Variants in CGGBP1 observed in about 807,000 individuals in gnomAD.
The protein encoded by CGGBP1 is CGG triplet repeat-binding protein 1.
Under a neutral mutation model 11.4 loss-of-function variants are expected in CGGBP1, and 4 were observed. That is an observed-to-expected ratio of 0.35 (90% confidence interval 0.17 to 0.80). CGGBP1 has a LOEUF of 0.80. Among genes scored for constraint, CGGBP1 ranks in the 30% least tolerant of loss-of-function variants. The pLI is 0.52. For missense variants in CGGBP1, 135 were observed against 202.1 expected, an observed-to-expected ratio of 0.67 and a Z score of 2.01; for synonymous variants, 76 against 74.1, an observed-to-expected ratio of 1.03 and a Z score of -0.13.
chr3:88,113,021 A>G (rs893564122), intron 2 of CGGBP1: 4 of 771,538 alleles, frequency 5.2e-6, no homozygotes, highest in Non-Finnish European at 7.9e-6. Flanking sequence ...TTTTAAGTCA[A>G]ATATTGATAT....
In CGGBP1 at chr3:88,092,267, C is replaced by A. The variant is rs566291154; in HGVS notation, c.-228-34044G>T. ...AACAATTACTGCATAATTATTTGGTCATTTATTCTGTAAAGCTCTGCTTGC... is the reference window on the plus strand; with the variant it reads ...AACAATTACTGCATAATTATTTGGTAATTTATTCTGTAAAGCTCTGCTTGC... On this transcript the variant is annotated intron_variant, in intron 2 of 3. Transcript: ENST00000462901. Among the ~76,000 whole-genome samples, 258 of 152,118 alleles carry A rather than the reference C, an allele frequency of 1.7e-3. 1 individual carries two copies. The highest frequency in any genetic ancestry group is 3.1e-3 in the Non-Finnish European group (214 of 67,998).
chr3:88,079,961 T>A lies in CGGBP1; in HGVS notation c.-228-21738A>T, dbSNP rs553867669. 2.2e-4 allele frequency among the ~76,000 whole-genome samples: 34 copies of A among 152,186 alleles called. No homozygotes were observed. The South Asian group carries it at 2.3e-3, about 10-fold the overall frequency. On this transcript the variant is annotated intron_variant, in intron 2 of 3. Coordinates refer to the CGGBP1 transcript ENST00000462901. ...TCTAAACCATTTTGGTGTTTTTTTT[T>A]AAAACATGACTTTTAGATTTCCATT...
chr3:88,121,035 G>A (rs2107799347), intron 2 of CGGBP1, among the ~76,000 whole-genome samples: 1 of 151,918 alleles, frequency 6.6e-6, no homozygotes, highest in Non-Finnish European at 1.5e-5. Flanking sequence ...AAACCACCAT[G>A]GTACGTGTAT....
chr3:88,097,666 G>A (rs1452692111), intron 2 of CGGBP1, among the ~76,000 whole-genome samples: 1 of 151,436 alleles, frequency 6.6e-6, no homozygotes, highest in African/African-American at 2.5e-5. Context: ...TTAGAACTCA[G>A]GATTAAGAAA....
chr3:88,129,240 A>G (rs909871701), intron 2 of CGGBP1, among the ~76,000 whole-genome samples: 11 of 150,740 alleles, frequency 7.3e-5, no homozygotes, highest in African/African-American at 2.4e-5. Flanking sequence ...ATACTCATTA[A>G]TAAGTATTAT....
intron 2 of CGGBP1, among the ~76,000 whole-genome samples, chr3:88,124,353 G>A (rs2107813146): frequency 6.6e-6 from 1 of 152,184 alleles, no homozygotes; most frequent in South Asian, 2.1e-4. Context: ...CTTAATTTGG[G>A]ACCAACCTTA....
At chr3:88,066,195 T>C (rs955965795) in intron 2 of CGGBP1, among the ~76,000 whole-genome samples, 4 of 152,222 alleles carry the variant, frequency 2.6e-5, no homozygotes, top group African/African-American at 4.8e-5. Context: ...GGTTCTAAAC[T>C]TCAGTGACTT....
intron 2 of CGGBP1, chr3:88,113,328 C>A (rs1258634050): frequency 6.1e-6 from 3 of 492,172 alleles, no homozygotes; most frequent in Non-Finnish European, 1.0e-5. Flanking sequence ...TGTTTAAGAT[C>A]CTATTATTAC....
chr3:88,070,627 A>T, intron 2 of CGGBP1, among the ~76,000 whole-genome samples: 1 of 133,602 alleles, frequency 7.5e-6, no homozygotes. Context: ...AATTTTATAT[A>T]CTCTGTGATT....
chr3:88,118,434 T>G (rs1232235092), intron 2 of CGGBP1, among the ~76,000 whole-genome samples: 4 of 152,112 alleles, frequency 2.6e-5, no homozygotes, highest in African/African-American at 9.7e-5. Context: ...AAGCCCACCC[T>G]CCTTTGTGGG....
At chr3:88,089,473 A>C (rs1451109327) in intron 2 of CGGBP1, among the ~76,000 whole-genome samples, 1 of 142,662 alleles carries the variant, frequency 7.0e-6, no homozygotes, top group African/African-American at 2.5e-5. Flanking sequence ...CCTGGGCAAA[A>C]AGAGCAAAAC....
upstream of CGGBP1, among the ~76,000 whole-genome samples, chr3:88,061,252 A>G (rs969280744): frequency 6.6e-6 from 1 of 152,160 alleles, no homozygotes; most frequent in Non-Finnish European, 1.5e-5. Context: ...TGCTTTTTAT[A>G]TCAACAACCA....
upstream of CGGBP1, chr3:88,059,466 C>T: frequency 6.6e-7 from 1 of 1,520,434 alleles, no homozygotes. Context: ...GCGGCGGCGT[C>T]GGAATCAGCA....
intron 3 of CGGBP1, chr3:88,056,458 ACAGGTGGGC>A (rs1706543951): frequency 6.6e-6 from 1 of 152,354 alleles, no homozygotes; most frequent in African/African-American, 2.4e-5. Context: ...GTTTTTTCAA[ACAGGTGGGC>A]CTATAAACTG....
chr3:88,086,018 T>C (rs568029149), intron 2 of CGGBP1, among the ~76,000 whole-genome samples: 1 of 152,306 alleles, frequency 6.6e-6, no homozygotes, highest in East Asian at 1.9e-4. Context: ...GGTAAAACAT[T>C]GGTAGTTGAA....
chr3:88,137,749 C>T (rs113316554), intron 2 of CGGBP1, among the ~76,000 whole-genome samples: 1,685 of 152,116 alleles, frequency 0.011, 24 homozygotes, highest in African/African-American at 0.038. Context: ...AAGTGAAAAT[C>T]GGATGTGCCA....
intron 2 of CGGBP1, among the ~76,000 whole-genome samples, chr3:88,092,137 C>T (rs1038418473): frequency 6.6e-6 from 1 of 151,932 alleles, no homozygotes; most frequent in African/African-American, 2.4e-5. Flanking sequence ...ATTTTCCATA[C>T]CAGAAGAAAA....
At chr3:88,117,066 T>C (rs970693242) in intron 2 of CGGBP1, among the ~76,000 whole-genome samples, 2 of 151,996 alleles carry the variant, frequency 1.3e-5, no homozygotes, top group African/African-American at 4.8e-5. Flanking sequence ...ATAAGTGAAA[T>C]TGCAAAGAAG....
At chr3:88,078,776 T>C (rs895697212) in intron 2 of CGGBP1, among the ~76,000 whole-genome samples, 5 of 152,110 alleles carry the variant, frequency 3.3e-5, no homozygotes, top group Admixed American at 1.3e-4. Context: ...GAATTTCTCA[T>C]GGTATTCTTA....
Sources: allele counts gnomAD v4.1 joint callset (sites outside exome capture counted in the v4.1 genomes callset), GRCh38; gene constraint gnomAD v4.1.1; transcripts MANE v1.5; gene names NCBI Gene and HGNC (gene_info 2026-07-23, HGNC 2026-07-21).